Variants in ARHGAP42 observed in about 807,000 individuals in gnomAD.
ARHGAP42 encodes Rho GTPase activating protein 42.
In ARHGAP42, 63 loss-of-function variants were observed where a neutral mutation model predicts 125.0. That is an observed-to-expected ratio of 0.50 (90% CI 0.41 to 0.62). The LOEUF is 0.62. Ranked by LOEUF, ARHGAP42 falls within the 20% of genes least tolerant of loss-of-function variation. The probability of loss-of-function intolerance (pLI) is 0.00; values close to 1 mark genes in which losing one functional copy is unlikely to be tolerated. For missense variants in ARHGAP42, 766 were observed against 1,024.2 expected, an observed-to-expected ratio of 0.75 and a Z score of 3.44; for synonymous variants, 339 against 351.0, an observed-to-expected ratio of 0.97 and a Z score of 0.38.
At chr11:100,893,578 A>G (rs570040728) in intron 4 of ARHGAP42, among the ~76,000 whole-genome samples, 83 of 152,314 alleles carry the variant, frequency 5.4e-4, no homozygotes, top group African/African-American at 1.9e-3. Flanking sequence ...TTCAACTGAA[A>G]GGAAAATTTC....
intron 4 of ARHGAP42, among the ~76,000 whole-genome samples, chr11:100,885,484 T>A (rs2135183307): frequency 6.6e-6 from 1 of 152,314 alleles, no homozygotes; most frequent in Non-Finnish European, 1.5e-5. Flanking sequence ...CCCATTTTTT[T>A]CCACTGGGGT....
At chr11:100,959,682 G>A (rs1272293454) in intron 12 of ARHGAP42, among the ~76,000 whole-genome samples, 1 of 151,990 alleles carries the variant, frequency 6.6e-6, no homozygotes, top group Non-Finnish European at 1.5e-5. Context: ...ATCTTAGCAG[G>A]TTGATACAAT....
intron 1 of ARHGAP42, among the ~76,000 whole-genome samples, chr11:100,765,579 G>C (rs1026823094): frequency 6.6e-6 from 1 of 152,164 alleles, no homozygotes; most frequent in Non-Finnish European, 1.5e-5. Flanking sequence ...TCAGGTAGTA[G>C]GTATTGTTGT....
chr11:100,881,926 A>G (rs941438279), intron 4 of ARHGAP42, among the ~76,000 whole-genome samples: 3 of 152,098 alleles, frequency 2.0e-5, no homozygotes, highest in Non-Finnish European at 2.9e-5. Context: ...CGCTGTTGGT[A>G]TGTAGGAGAG....
At chr11:100,793,795 G>C (rs1022585175) in intron 2 of ARHGAP42, among the ~76,000 whole-genome samples, 4 of 152,094 alleles carry the variant, frequency 2.6e-5, no homozygotes, top group African/African-American at 9.7e-5. Context: ...TGTATGGCCC[G>C]GTGCAATGGC....
chr11:100,924,862 C>G (rs1416169244), intron 6 of ARHGAP42, among the ~76,000 whole-genome samples: 2 of 152,012 alleles, frequency 1.3e-5, no homozygotes, highest in Non-Finnish European at 2.9e-5. Flanking sequence ...GAGTGTCGCC[C>G]TGTTGCCCAG....
chr11:100,982,152 G>A (rs903184735), intron 22 of ARHGAP42, among the ~76,000 whole-genome samples: 2 of 152,192 alleles, frequency 1.3e-5, no homozygotes, highest in Non-Finnish European at 2.9e-5. Context: ...TTAACGTTCA[G>A]ACAGAGAAGA....
chr11:100,977,017 G>C, intron 21 of ARHGAP42, 46 bp downstream of exon 21: 10 of 1,543,886 alleles, frequency 6.5e-6, no homozygotes, highest in Non-Finnish European at 8.8e-6. Flanking sequence ...GGGATACAGA[G>C]AGGAGTTGAG....
chr11:100,984,870 T>C (rs1858635003), intron 22 of ARHGAP42, among the ~76,000 whole-genome samples: 1 of 152,094 alleles, frequency 6.6e-6, no homozygotes, highest in Non-Finnish European at 1.5e-5. Context: ...AGAGGAAGCG[T>C]TAGCACCTGA....
At chr11:100,805,228 G>A (rs906057442) in intron 3 of ARHGAP42, among the ~76,000 whole-genome samples, 6 of 152,214 alleles carry the variant, frequency 3.9e-5, no homozygotes, top group Non-Finnish European at 8.8e-5. Context: ...AACCCATGCT[G>A]TGGGGATCTG....
chr11:100,913,238 C>T (rs1396872396), intron 4 of ARHGAP42, among the ~76,000 whole-genome samples: 1 of 151,986 alleles, frequency 6.6e-6, no homozygotes, highest in Non-Finnish European at 1.5e-5. Flanking sequence ...GATTTCTCAC[C>T]GCAAGATGGA....
intron 22 of ARHGAP42, among the ~76,000 whole-genome samples, chr11:100,981,433 A>G (rs1858542052): frequency 6.6e-6 from 1 of 152,108 alleles, no homozygotes; most frequent in Non-Finnish European, 1.5e-5. Context: ...TGCCTGTCTC[A>G]TTTTTGTTTT....
intron 2 of ARHGAP42, among the ~76,000 whole-genome samples, chr11:100,787,424 C>T (rs1052556592): frequency 5.3e-5 from 8 of 152,154 alleles, no homozygotes; most frequent in Non-Finnish European, 8.8e-5. Context: ...TCAGTTAAAC[C>T]TCTTTTGTTT....
chr11:100,921,225 ATATATATATATATATATATATT>A (rs1867243043), intron 5 of ARHGAP42, among the ~76,000 whole-genome samples: 2 of 75,770 alleles, frequency 2.6e-5, no homozygotes, highest in Non-Finnish European at 2.5e-5. Flanking sequence ...ATATATATAT[ATATATATATATATATATATATT>A]TTTTTTTTTT....
chr11:100,965,068 G>A, intron 16 of ARHGAP42, among the ~76,000 whole-genome samples: 1 of 152,154 alleles, frequency 6.6e-6, no homozygotes, highest in Non-Finnish European at 1.5e-5. Context: ...GCAGGAGAGA[G>A]AAGTGCTGAG....
intron 4 of ARHGAP42, among the ~76,000 whole-genome samples, chr11:100,903,117 G>GCGCGCACACACACACACA (rs373508179): frequency 9.6e-4 from 127 of 132,020 alleles, no homozygotes; most frequent in East Asian, 2.5e-3. Flanking sequence ...TCCAAGATGC[G>GCGCGCACACACACACACA]CACACACACA....
intron 4 of ARHGAP42, among the ~76,000 whole-genome samples, chr11:100,903,155 A>C (rs996428276): frequency 6.6e-6 from 1 of 151,010 alleles, no homozygotes; most frequent in Admixed American, 6.6e-5. Context: ...ACACACACAC[A>C]CCAAGCTTTA....
chr11:100,820,458 T>A (rs796923680), intron 3 of ARHGAP42, among the ~76,000 whole-genome samples: 7 of 152,230 alleles, frequency 4.6e-5, no homozygotes, highest in African/African-American at 1.7e-4. Flanking sequence ...AAAGAAGGCA[T>A]CTCTTCAGAT....
At chr11:100,815,012 C>G (rs1864232872) in intron 3 of ARHGAP42, among the ~76,000 whole-genome samples, 1 of 152,212 alleles carries the variant, frequency 6.6e-6, no homozygotes, top group Non-Finnish European at 1.5e-5. Flanking sequence ...TGGACACTTC[C>G]CTTGGGCCCT....
Sources: gnomAD v4.1 joint callset for allele counts (sites outside exome capture counted in the v4.1 genomes callset) on GRCh38, gnomAD v4.1.1 for gene constraint, MANE v1.5 for transcripts, NCBI Gene and HGNC (gene_info 2026-07-23, HGNC 2026-07-21) for gene names.